Variants in ENTREP1 observed in about 807,000 individuals in gnomAD.
The protein encoded by ENTREP1 is Friedreich ataxia region gene X123.
chr9:69,340,763 ATGTG>A, the ENTREP1 span, among the ~76,000 whole-genome samples: 1,613 of 29,156 alleles, frequency 0.055, 57 homozygotes, highest in African/African-American at 0.14. Context: ...GTGTGCGTGC[ATGTG>A]TGTGTGTGTA....
chr9:69,325,588 C>T, the ENTREP1 span: 3 of 1,224,788 alleles, frequency 2.4e-6, no homozygotes, highest in Non-Finnish European at 3.0e-6. Context: ...CGCTGCTGCC[C>T]GCCCGCCCGC....
chr9:69,355,067 C>G, the ENTREP1 span, among the ~76,000 whole-genome samples: 1 of 152,150 alleles, frequency 6.6e-6, no homozygotes, highest in African/African-American at 2.4e-5. Flanking sequence ...AGGATGTTAT[C>G]AAGGTTCACT....
the ENTREP1 span, chr9:69,371,691 CA>C: frequency 1.1e-6 from 1 of 911,476 alleles, no homozygotes; most frequent in Non-Finnish European, 1.8e-6. Flanking sequence ...CAACATTCAG[CA>C]TCAGGCAACT....
At chr9:69,363,574 T>G in the ENTREP1 span, among the ~76,000 whole-genome samples, 1 of 150,380 alleles carries the variant, frequency 6.6e-6, no homozygotes, top group South Asian at 2.1e-4. Context: ...CAGGGAAGAG[T>G]GGGGGTGGTG....
the ENTREP1 span, chr9:69,387,782 G>A: frequency 1.4e-6 from 1 of 705,738 alleles, no homozygotes; most frequent in East Asian, 6.5e-5. Context: ...TCGCTCCTTG[G>A]AACATCCTTT....
At chr9:69,390,411 A>G in the ENTREP1 span, among the ~76,000 whole-genome samples, 1 of 152,220 alleles carries the variant, frequency 6.6e-6, no homozygotes, top group Non-Finnish European at 1.5e-5. Flanking sequence ...TTGACCGGAC[A>G]GTTCTCTCCT....
the ENTREP1 span, among the ~76,000 whole-genome samples, chr9:69,357,383 A>G: frequency 6.6e-6 from 1 of 152,184 alleles, no homozygotes; most frequent in Non-Finnish European, 1.5e-5. Context: ...ATGAGAAAGC[A>G]ATGGTTATTA....
chr9:69,343,733 C>T, the ENTREP1 span, among the ~76,000 whole-genome samples: 1 of 152,096 alleles, frequency 6.6e-6, no homozygotes, highest in African/African-American at 2.4e-5. Flanking sequence ...GCTAATTAAA[C>T]AAGGTAATAA....
the ENTREP1 span, among the ~76,000 whole-genome samples, chr9:69,342,824 C>G: frequency 6.6e-6 from 1 of 152,222 alleles, no homozygotes; most frequent in Non-Finnish European, 1.5e-5. Context: ...AGGCTGGGTT[C>G]AGGCTTCTCT....
At chr9:69,385,644 G>A in the ENTREP1 span, 19 of 1,260,482 alleles carry the variant, frequency 1.5e-5, no homozygotes, top group South Asian at 1.8e-4. Flanking sequence ...AACTTACTGG[G>A]CCAGCAGCCT....
At chr9:69,354,838 T>A in the ENTREP1 span, among the ~76,000 whole-genome samples, 1 of 152,186 alleles carries the variant, frequency 6.6e-6, no homozygotes, top group East Asian at 1.9e-4. Flanking sequence ...ATAACTTGAA[T>A]CTTTTATGTT....
At chr9:69,355,918 T>C in the ENTREP1 span, among the ~76,000 whole-genome samples, 137 of 152,328 alleles carry the variant, frequency 9.0e-4, no homozygotes, top group African/African-American at 3.1e-3. Flanking sequence ...GCCTACTTTT[T>C]TGTGGTGTGC....
chr9:69,370,535 A>G, the ENTREP1 span, among the ~76,000 whole-genome samples: 1 of 152,174 alleles, frequency 6.6e-6, no homozygotes, highest in African/African-American at 2.4e-5. Flanking sequence ...CATCCAAATT[A>G]ACAATAAAAG....
the ENTREP1 span, among the ~76,000 whole-genome samples, chr9:69,384,827 G>GA: frequency 3.0e-5 from 3 of 100,494 alleles, no homozygotes; most frequent in Non-Finnish European, 6.1e-5. Context: ...TTTGTGTTCT[G>GA]TTCACCTTCC....
the ENTREP1 span, chr9:69,329,364 C>T: frequency 1.0e-6 from 1 of 962,850 alleles, no homozygotes; most frequent in African/African-American, 1.8e-5. Flanking sequence ...CAGTATAGTT[C>T]AAGGATATTT....
At chr9:69,325,987 C>G in the ENTREP1 span, among the ~76,000 whole-genome samples, 1 of 152,136 alleles carries the variant, frequency 6.6e-6, no homozygotes, top group South Asian at 2.1e-4. Context: ...AGACACCCAG[C>G]TCTTTGGGAG....
At chr9:69,366,501 C>T in the ENTREP1 span, among the ~76,000 whole-genome samples, 2 of 151,220 alleles carry the variant, frequency 1.3e-5, no homozygotes, top group Admixed American at 6.6e-5. Context: ...CTCTTCACTC[C>T]GTTGATTGTT....
the ENTREP1 span, among the ~76,000 whole-genome samples, chr9:69,349,585 C>T: frequency 6.6e-6 from 1 of 152,108 alleles, no homozygotes; most frequent in Non-Finnish European, 1.5e-5. Context: ...AGATCCATTG[C>T]CCATTTAAAA....
chr9:69,359,570 C>T, the ENTREP1 span, among the ~76,000 whole-genome samples: 1 of 152,196 alleles, frequency 6.6e-6, no homozygotes, highest in African/African-American at 2.4e-5. Flanking sequence ...AGTTGCCTTG[C>T]TTCCCCTTCA....
Sources: gnomAD v4.1 joint callset for allele counts (sites outside exome capture counted in the v4.1 genomes callset) on GRCh38, gnomAD v4.1.1 for gene constraint, MANE v1.5 for transcripts, NCBI Gene and HGNC (gene_info 2026-07-23, HGNC 2026-07-21) for gene names.